The following AGBL4 variants were observed in gnomAD, a reference collection of about 807,000 sequenced individuals.
AGBL4 encodes AGBL carboxypeptidase 4.
In AGBL4, 58 loss-of-function variants were observed where a neutral mutation model predicts 66.4. That is an observed-to-expected ratio of 0.87 (90% CI 0.71 to 1.09). The LOEUF is 1.09. Among genes scored for constraint, AGBL4 ranks in the 50% least tolerant of loss-of-function variants. The probability of loss-of-function intolerance (pLI) is 0.00; values close to 1 mark genes in which losing one functional copy is unlikely to be tolerated. For missense variants in AGBL4, 579 were observed against 631.0 expected (o/e 0.92, Z 0.88); for synonymous variants, 234 against 222.9 (o/e 1.05, Z -0.44).
intron 3 of AGBL4, among the ~76,000 whole-genome samples, chr1:49,561,505 T>A (rs1644043529): frequency 6.6e-6 from 1 of 151,756 alleles, no homozygotes; most frequent in Admixed American, 6.6e-5. Flanking sequence ...CCCCTTCCTG[T>A]GTCCATGTGT....
rs1323436004 is a variant in AGBL4 at position 49,295,600 on chromosome 1, T to C, written c.283-49736A>G. Among the ~76,000 whole-genome samples the C allele has an allele frequency of 2.6e-5, 4 of 152,112 alleles. No homozygotes were observed. The East Asian group carries it at 7.7e-4, about 29-fold the overall frequency. On this transcript the variant is annotated intron_variant, in intron 3 of 13. Transcript: ENST00000371839. Reference sequence around the variant, plus strand: ...ACAACCTGTCTAGGATCAGAATCTATTCAGTGAAAAAGATGGCACTAGAGC... The same window carrying C: ...ACAACCTGTCTAGGATCAGAATCTACTCAGTGAAAAAGATGGCACTAGAGC...
chr1:48,868,186 TGA>T (rs978989838), intron 5 of AGBL4, among the ~76,000 whole-genome samples: 2 of 152,232 alleles, frequency 1.3e-5, no homozygotes, highest in Non-Finnish European at 2.9e-5. Context: ...AATTCCATTT[TGA>T]GAGTCATTGC....
At chr1:48,921,084 G>A (rs1407340659) in intron 5 of AGBL4, among the ~76,000 whole-genome samples, 1 of 152,196 alleles carries the variant, frequency 6.6e-6, no homozygotes, top group Non-Finnish European at 1.5e-5. Flanking sequence ...TTAGCCATGT[G>A]GCTCAGTGCA....
intron 5 of AGBL4, among the ~76,000 whole-genome samples, chr1:48,908,501 T>C (rs1652821943): frequency 6.6e-6 from 1 of 152,208 alleles, no homozygotes; most frequent in African/African-American, 2.4e-5. Flanking sequence ...TACACAAATG[T>C]CTTGTTTATT....
At chr1:49,184,705 T>C (rs1646984771) in intron 4 of AGBL4, among the ~76,000 whole-genome samples, 1 of 152,210 alleles carries the variant, frequency 6.6e-6, no homozygotes, top group Non-Finnish European at 1.5e-5. Context: ...AATGTCAGTA[T>C]TTCTATAAAA....
chr1:49,493,010 C>A (rs1280932187), intron 3 of AGBL4, among the ~76,000 whole-genome samples: 1 of 151,882 alleles, frequency 6.6e-6, no homozygotes, highest in South Asian at 2.1e-4. Flanking sequence ...AAGTGCCAAG[C>A]AAAAGAGAAA....
chr1:49,633,452 A>G (rs1237962137), intron 3 of AGBL4, among the ~76,000 whole-genome samples: 3 of 152,216 alleles, frequency 2.0e-5, no homozygotes, highest in Non-Finnish European at 4.4e-5. Context: ...AATTAGATAT[A>G]TAACAAAGAT....
chr1:49,394,288 G>A (rs1392187084), intron 3 of AGBL4, among the ~76,000 whole-genome samples: 1 of 151,970 alleles, frequency 6.6e-6, no homozygotes, highest in African/African-American at 2.4e-5. Flanking sequence ...CCACTGGGTT[G>A]ATTAAGATTT....
intron 5 of AGBL4, among the ~76,000 whole-genome samples, chr1:49,000,900 C>G: frequency 6.6e-6 from 1 of 152,088 alleles, no homozygotes; most frequent in East Asian, 1.9e-4. Context: ...GTTTTTCAGG[C>G]TGGTGAGAAA....
chr1:49,260,698 G>C (rs1320153287), intron 3 of AGBL4, among the ~76,000 whole-genome samples: 1 of 152,110 alleles, frequency 6.6e-6, no homozygotes. Flanking sequence ...TCCAGGACCA[G>C]ATGGATTCAC....
At chr1:49,549,387 C>T (rs1204642951) in intron 3 of AGBL4, among the ~76,000 whole-genome samples, 1 of 151,472 alleles carries the variant, frequency 6.6e-6, no homozygotes, top group Non-Finnish European at 1.5e-5. Context: ...TCAATTTGTG[C>T]TCTTTCAATC....
chr1:48,570,809 C>T (rs572563231), intron 11 of AGBL4, among the ~76,000 whole-genome samples: 2 of 152,286 alleles, frequency 1.3e-5, no homozygotes, highest in Admixed American at 1.3e-4. Flanking sequence ...TGAGATTTTC[C>T]AGTCTGCCTT....
At chr1:49,250,287 A>G (rs1651944665) in intron 3 of AGBL4, among the ~76,000 whole-genome samples, 1 of 152,144 alleles carries the variant, frequency 6.6e-6, no homozygotes, top group Non-Finnish European at 1.5e-5. Context: ...CTAGACTCAA[A>G]TAAGTGGAAT....
intron 6 of AGBL4, among the ~76,000 whole-genome samples, chr1:48,860,143 C>T (rs912306504): frequency 7.2e-5 from 11 of 152,268 alleles, no homozygotes; most frequent in South Asian, 2.1e-4. Context: ...GAAAAGAATA[C>T]GGTACTTCCT....
intron 5 of AGBL4, among the ~76,000 whole-genome samples, chr1:48,981,379 C>G (rs1659752995): frequency 6.6e-6 from 1 of 151,894 alleles, no homozygotes; most frequent in Non-Finnish European, 1.5e-5. Context: ...TCAAAATAAC[C>G]CTGTGAGATA....
intron 2 of AGBL4, among the ~76,000 whole-genome samples, chr1:49,733,713 G>A (rs550114906): frequency 2.0e-4 from 30 of 152,238 alleles, no homozygotes; most frequent in Non-Finnish European, 4.1e-4. Flanking sequence ...ATAGATTAAT[G>A]CCACTATTTT....
intron 3 of AGBL4, among the ~76,000 whole-genome samples, chr1:49,578,670 C>T (rs182267750): frequency 6.6e-6 from 1 of 152,246 alleles, no homozygotes; most frequent in Non-Finnish European, 1.5e-5. Flanking sequence ...GTATTGTTAA[C>T]TTTATGTAAT....
At chr1:48,784,641 C>G (rs1401554237) in intron 6 of AGBL4, among the ~76,000 whole-genome samples, 1 of 152,090 alleles carries the variant, frequency 6.6e-6, no homozygotes, top group Non-Finnish European at 1.5e-5. Context: ...AGTGTAGAAG[C>G]GTTTACAGCA....
intron 5 of AGBL4, among the ~76,000 whole-genome samples, chr1:48,955,082 TTGTC>T (rs940206280): frequency 6.6e-6 from 1 of 152,174 alleles, no homozygotes; most frequent in African/African-American, 2.4e-5. Context: ...GCTGCACTGT[TTGTC>T]TGTAGAGCTA....
Sources: gnomAD v4.1 joint callset for allele counts (sites outside exome capture counted in the v4.1 genomes callset) on GRCh38, gnomAD v4.1.1 for gene constraint, MANE v1.5 for transcripts, NCBI Gene and HGNC (gene_info 2026-07-23, HGNC 2026-07-21) for gene names.